SLC4A4: variants seen among roughly 807,000 people sequenced by gnomAD.
SLC4A4 encodes the protein electrogenic sodium bicarbonate cotransporter 1.
In SLC4A4, 27 loss-of-function variants were observed where a neutral mutation model predicts 111.5. The ratio of observed to expected loss-of-function variants is 0.24; its 90% CI spans 0.18 to 0.33. The LOEUF is 0.33. Among genes scored for constraint, SLC4A4 ranks in the 10% least tolerant of loss-of-function variants. The pLI, the probability that SLC4A4 is intolerant of heterozygous loss-of-function variation, is 1.00. For synonymous variants in SLC4A4, 443 were observed against 463.4 expected (o/e 0.96, Z 0.57); for missense variants, 909 against 1,315.5 (o/e 0.69, Z 4.78).
intron 2 of SLC4A4, among the ~76,000 whole-genome samples, chr4:71,162,570 TG>T (rs1011825972): frequency 6.6e-6 from 1 of 152,178 alleles, no homozygotes; most frequent in African/African-American, 2.4e-5. Flanking sequence ...ATCTTTTAAA[TG>T]GATTCATAGT....
chr4:71,280,029 G>A (rs558104716), intron 3 of SLC4A4, among the ~76,000 whole-genome samples: 2 of 152,278 alleles, frequency 1.3e-5, no homozygotes, highest in South Asian at 2.1e-4. Flanking sequence ...CCTCACCTCA[G>A]GTGATCTGCC....
At chr4:71,536,462 ATACATATATATATATATATATATATG>A (rs1423239669) in intron 18 of SLC4A4, among the ~76,000 whole-genome samples, 1 of 53,954 alleles carries the variant, frequency 1.9e-5, no homozygotes, top group East Asian at 1.2e-3. Flanking sequence ...ATATACATAT[ATACATATATATATATATATATATATG>A]TATATATTTA....
chr4:71,551,721 G>T (rs994397930), intron 20 of SLC4A4, among the ~76,000 whole-genome samples: 2 of 151,808 alleles, frequency 1.3e-5, no homozygotes, highest in Non-Finnish European at 2.9e-5. Context: ...TCCATGAGAT[G>T]ATCTTCTCCA....
chr4:71,309,354 C>T (rs966231297), intron 3 of SLC4A4, among the ~76,000 whole-genome samples: 4 of 152,170 alleles, frequency 2.6e-5, no homozygotes, highest in Admixed American at 1.3e-4. Context: ...GGAGGGTTCT[C>T]CCAGCGTGGT....
intron 1 of SLC4A4, chr4:71,236,108 T>G (rs2149037340): frequency 9.8e-7 from 1 of 1,016,482 alleles, no homozygotes; most frequent in East Asian, 9.3e-5. Flanking sequence ...TGGGTGGGTG[T>G]GCATGTGTGT....
At chr4:71,516,533 G>T (rs1578093513) in intron 16 of SLC4A4, among the ~76,000 whole-genome samples, 2 of 152,312 alleles carry the variant, frequency 1.3e-5, no homozygotes, top group South Asian at 2.1e-4. Context: ...GAGTGACCCA[G>T]TGCAAATTCC....
In SLC4A4 at chr4:71,101,647, C is replaced by T. The variant is rs902246323; in HGVS notation, c.-2+8855C>T. On this transcript the variant is annotated intron_variant, in intron 2 of 26. Coordinates refer to the SLC4A4 transcript ENST00000649996. ...CGAGCAGCCTAACTGGGAGGCAACC[C>T]CCAGCAGGGGCACACTGACATCTCA... is the stretch of plus-strand genomic sequence containing the variant. 5.9e-5 allele frequency among the ~76,000 whole-genome samples: 9 copies of T among 152,270 alleles called. No homozygotes were observed. The East Asian group carries it at 1.5e-3, about 26-fold the overall frequency.
At chr4:71,206,352 A>G (rs1717764072) in intron 1 of SLC4A4, among the ~76,000 whole-genome samples, 1 of 152,208 alleles carries the variant, frequency 6.6e-6, no homozygotes, top group Admixed American at 6.5e-5. Flanking sequence ...GCCACATTTA[A>G]ATTATATATT....
intron 3 of SLC4A4, among the ~76,000 whole-genome samples, chr4:71,303,163 G>T (rs1038836226): frequency 5.3e-5 from 8 of 152,166 alleles, no homozygotes; most frequent in Non-Finnish European, 1.2e-4. Context: ...GTAAGGTGAG[G>T]CACATTACAG....
At chr4:71,423,246 A>G (rs1180709308) in intron 7 of SLC4A4, among the ~76,000 whole-genome samples, 1 of 152,212 alleles carries the variant, frequency 6.6e-6, no homozygotes, top group African/African-American at 2.4e-5. Context: ...CAATTGCTTC[A>G]AAGAGAATAA....
At chr4:71,110,736 G>C (rs549662649) in intron 2 of SLC4A4, among the ~76,000 whole-genome samples, 2 of 152,098 alleles carry the variant, frequency 1.3e-5, no homozygotes, top group Non-Finnish European at 2.9e-5. Flanking sequence ...TTGTTTGTAG[G>C]TCATTGTATA....
At chr4:71,210,609 A>G (rs1189491813) in intron 1 of SLC4A4, among the ~76,000 whole-genome samples, 1 of 152,218 alleles carries the variant, frequency 6.6e-6, no homozygotes, top group Non-Finnish European at 1.5e-5. Context: ...CACTTACCCC[A>G]AGGAAAATCT....
At chr4:71,130,447 A>G (rs1275666103) in intron 2 of SLC4A4, among the ~76,000 whole-genome samples, 2 of 151,954 alleles carry the variant, frequency 1.3e-5, no homozygotes, top group Non-Finnish European at 2.9e-5. Context: ...TTTTTTGCCC[A>G]GGCTGGTCTT....
intron 12 of SLC4A4, among the ~76,000 whole-genome samples, chr4:71,460,872 A>T (rs544195426): frequency 1.3e-5 from 2 of 152,042 alleles, no homozygotes; most frequent in East Asian, 1.9e-4. Context: ...AAGAATCAGT[A>T]TTTTTTTTAT....
At chr4:71,376,449 C>T (rs956090828) in intron 6 of SLC4A4, among the ~76,000 whole-genome samples, 71 of 151,146 alleles carry the variant, frequency 4.7e-4, no homozygotes, top group African/African-American at 1.4e-3. Flanking sequence ...GTGATCCACC[C>T]GCCTCAGCCT....
chr4:71,081,471 C>G (rs915188739), intron 1 of SLC4A4, among the ~76,000 whole-genome samples: 96 of 152,070 alleles, frequency 6.3e-4, no homozygotes, highest in Non-Finnish European at 4.3e-4. Context: ...ACTCCACACC[C>G]CCACCATGGC....
At chr4:71,211,442 T>C (rs973293469) in intron 1 of SLC4A4, among the ~76,000 whole-genome samples, 3 of 152,294 alleles carry the variant, frequency 2.0e-5, no homozygotes, top group Non-Finnish European at 2.9e-5. Flanking sequence ...CACCATGAGG[T>C]TGTTTTTACC....
At chr4:71,501,223 G>A (rs141618894) in intron 16 of SLC4A4, among the ~76,000 whole-genome samples, 36 of 152,086 alleles carry the variant, frequency 2.4e-4, no homozygotes, top group African/African-American at 7.7e-4. Context: ...GCTATTGTAA[G>A]TGGGATTGTG....
chr4:71,571,242 G>A lies in SLC4A4; in HGVS notation c.*3491G>A, dbSNP rs1737918822. ...ATTACAGAGGTTGACATTGTTCAGG[G>A]ATGGGACAAAGCCTTCTTCAATCCT... On this transcript the variant is annotated 3_prime_UTR_variant, in exon 26 of 26. Transcript: ENST00000264485. The A allele has an allele frequency of 6.6e-6, 1 of 152,262 alleles. No individual in the cohort carries two copies. The highest frequency in any genetic ancestry group is 2.4e-5 in the African/African-American group (1 of 41,388). The allele number at this position is 152,262 out of a possible 1,614,324, so 9.4% of individuals were successfully genotyped here. A position where few individuals can be genotyped will look rare whatever the true frequency, so the allele number is the denominator to read the frequency against.
Sources: gnomAD v4.1 joint callset for allele counts (sites outside exome capture counted in the v4.1 genomes callset) on GRCh38, gnomAD v4.1.1 for gene constraint, MANE v1.5 for transcripts, NCBI Gene and HGNC (gene_info 2026-07-23, HGNC 2026-07-21) for gene names.